SKOR2: variants seen among roughly 807,000 people sequenced by gnomAD.
SKOR2 encodes SKI family transcriptional corepressor 2.
In SKOR2, 47 loss-of-function variants were observed where a neutral mutation model predicts 69.1. That is an observed-to-expected ratio of 0.68 (90% confidence interval 0.54 to 0.87). The LOEUF is 0.87. Ranked by LOEUF, SKOR2 falls within the 40% of genes least tolerant of loss-of-function variation. SKOR2 has a pLI of 0.00. For missense variants in SKOR2, 1,404 were observed against 1,472.2 expected, an observed-to-expected ratio of 0.95 and a Z score of 0.76; for synonymous variants, 717 against 672.6, an observed-to-expected ratio of 1.07 and a Z score of -1.02.
chr18:47,209,932 A>AT (rs2064122938), intron 8 of SKOR2, among the ~76,000 whole-genome samples: 1 of 152,190 alleles, frequency 6.6e-6, no homozygotes, highest in Non-Finnish European at 1.5e-5. Context: ...TCTTTACAAA[A>AT]TAAAAAAAAT....
At position 47,246,987 on chromosome 18, in the gene SKOR2, C is replaced by G. The variant is rs1462904464; in HGVS notation, c.2197G>C (p.Glu733Gln). Residue 733 changes from glutamate (E) to glutamine (Q), a missense_variant, in exon 2 of 9, where the codon GAG becomes CAG. Physicochemically the swap from Glu to Gln is conservative, Grantham distance 29. This residue lies in a region of SKOR2 where 1,266 missense variants were observed against 1,309.9 expected (regional missense o/e 0.97). Transcript: ENST00000425639. ...SCCYPSEDSS[E>Q]DEDDEEEEQE... ...TCTTCTTCCTCGTCGTCCTCGTCCT[C>G]GGAGCTGTCCTCGCTGGGGTAGCAG... 1.3e-6 allele frequency: 2 copies of G among 1,497,866 alleles called. No individual in the cohort carries two copies. Among genetic ancestry groups the G allele is most frequent in the Non-Finnish European group, 8.8e-7 (1 of 1,129,992 alleles). The allele number at this position is 1,497,866 out of a possible 1,614,324, so 92.8% of individuals were successfully genotyped here.
intron 4 of SKOR2, among the ~76,000 whole-genome samples, chr18:47,242,204 C>T (rs977885444): frequency 2.0e-5 from 3 of 152,024 alleles, no homozygotes; most frequent in South Asian, 2.1e-4. Context: ...AATTTGTTTT[C>T]AAATTCCATC....
chr18:47,207,006 C>A (rs888558720), intron 8 of SKOR2, 114 bp from the exon 9 acceptor site: 1 of 152,170 alleles, frequency 6.6e-6, no homozygotes, highest in Non-Finnish European at 1.5e-5. Context: ...ATTTTGTCTG[C>A]TACCCTAGGT....
intron 2 of SKOR2, among the ~76,000 whole-genome samples, chr18:47,245,946 T>G (rs2064271080): frequency 6.6e-6 from 1 of 152,060 alleles, no homozygotes; most frequent in Non-Finnish European, 1.5e-5. Flanking sequence ...GTTCAGTCAT[T>G]TAAATTTAAC....
intron 8 of SKOR2, among the ~76,000 whole-genome samples, chr18:47,208,779 A>T (rs2064119854): frequency 6.6e-6 from 1 of 152,170 alleles, no homozygotes; most frequent in Non-Finnish European, 1.5e-5. Context: ...TATTTTTCAA[A>T]TCCTTTCCAT....
At chr18:47,222,332 A>G (rs1224531896) in intron 6 of SKOR2, among the ~76,000 whole-genome samples, 2 of 152,146 alleles carry the variant, frequency 1.3e-5, no homozygotes, top group African/African-American at 2.4e-5. Context: ...AAAAAAAAGA[A>G]AAAATTTTTG....
chr18:47,247,684 G>C lies in SKOR2; in HGVS notation c.1500C>G (p.Gly500=). ...CCTGGCGCAGCAGGGCCGGGCTTTC[G>C]CCTAGCGCGCAGCCTAGCGCCGAGG... ...QPPSALGCAL[G]ESPALLRQAF... The change falls in exon 2 of 9, where the codon GGC becomes GGG. Residue 500 remains glycine, a synonymous_variant. Coordinates refer to ENST00000425639, the MANE Select transcript of SKOR2 (RefSeq NM_001278063.4). The surrounding 1 kb of genome is among the most constrained non-coding windows in gnomAD (Gnocchi z 6.6). 5 of 1,369,944 alleles carry C rather than the reference G, an allele frequency of 3.6e-6. No individual in the cohort carries two copies. The highest frequency in any genetic ancestry group is 4.7e-6 in the Non-Finnish European group (5 of 1,067,166). The allele number at this position is 1,369,944 out of a possible 1,614,324, so 84.9% of individuals were successfully genotyped here. A position where few individuals can be genotyped will look rare whatever the true frequency, so the allele number is the denominator to read the frequency against.
intron 4 of SKOR2, among the ~76,000 whole-genome samples, chr18:47,231,830 C>T (rs552514024): frequency 1.8e-3 from 240 of 136,972 alleles, no homozygotes; most frequent in African/African-American, 6.2e-3. Context: ...GCAACAAGAG[C>T]GAAACTCCAT....
intron 6 of SKOR2, among the ~76,000 whole-genome samples, chr18:47,221,925 C>T (rs1281396531): frequency 6.6e-6 from 1 of 152,218 alleles, no homozygotes; most frequent in South Asian, 2.1e-4. Flanking sequence ...ATTCTGCCAT[C>T]TATAGTAACT....
chr18:47,228,901 G>T (rs1480727479), intron 6 of SKOR2, among the ~76,000 whole-genome samples: 1 of 152,166 alleles, frequency 6.6e-6, no homozygotes, highest in Non-Finnish European at 1.5e-5. Context: ...AGCCCTGCAG[G>T]CATTCTCTGA....
At chr18:47,237,255 A>C (rs1007274591) in intron 4 of SKOR2, among the ~76,000 whole-genome samples, 1 of 152,238 alleles carries the variant, frequency 6.6e-6, no homozygotes, top group African/African-American at 2.4e-5. Flanking sequence ...GTGATGCTCC[A>C]ATAGAAAATA....
rs746722236 is a variant in SKOR2, at chr18:47,247,200, G to A, written c.1984C>T (p.His662Tyr). ...THPHHHHHPH[H>Y]HHHHHHPPQP... ...GGGGGGTGGTGGTGGTGGTGGTGGT[G>A]GTGAGGGTGGTGATGGTGGTGGGGA... Residue 662 changes from histidine to tyrosine, a missense_variant, in exon 2 of 9, where the codon CAC becomes TAC. By Grantham distance (83) the His-to-Tyr change is moderately conservative (BLOSUM62 2). This residue lies in a region of SKOR2 where 1,266 missense variants were observed against 1,309.9 expected (regional missense o/e 0.97). Transcript: ENST00000425639. This position sits in a 1 kb window ranked among gnomAD's most constrained non-coding sequence, Gnocchi z 6.6. 3 of 1,394,008 alleles carry A rather than the reference G, an allele frequency of 2.2e-6. No homozygotes were observed. The South Asian group carries it at 4.8e-5, about 22-fold the overall frequency. The allele number at this position is 1,394,008 out of a possible 1,614,324, so 86.4% of individuals were successfully genotyped here.
Position 47,234,879 on chromosome 18 carries a change from A to G in SKOR2, c.2753-3879T>C, listed in dbSNP as rs905088872. 2.1e-3 allele frequency among the ~76,000 whole-genome samples: 294 copies of G among 142,058 alleles called. 2 individuals carry two copies. Among genetic ancestry groups the G allele is most frequent in the African/African-American group, 6.6e-3 (256 of 38,514 alleles). The allele number at this position is 142,058 out of a possible 152,430, so 93.2% of individuals were successfully genotyped here. A position where few individuals can be genotyped will look rare whatever the true frequency, so the allele number is the denominator to read the frequency against. Reference sequence around the variant, plus strand: ...CCATCTCAGGGAAAAAAAAAAAGAGAGGGGGTGGGGGGAAGCACAGCAATT... The same window carrying G: ...CCATCTCAGGGAAAAAAAAAAAGAGGGGGGGTGGGGGGAAGCACAGCAATT... On this transcript the variant is annotated intron_variant, in intron 4 of 8. Coordinates refer to ENST00000425639, the MANE Select transcript of SKOR2 (RefSeq NM_001278063.4).
chr18:47,240,804 T>C (rs2064245078), intron 4 of SKOR2, among the ~76,000 whole-genome samples: 2 of 152,214 alleles, frequency 1.3e-5, no homozygotes, highest in African/African-American at 4.8e-5. Flanking sequence ...AGAAAGGTCA[T>C]AGAGATTTTC....
chr18:47,221,853 G>A (rs530299650), intron 6 of SKOR2, among the ~76,000 whole-genome samples: 4 of 152,300 alleles, frequency 2.6e-5, no homozygotes, highest in Admixed American at 2.0e-4. Flanking sequence ...CCTGGCACAC[G>A]GCAGGGGCTA....
intron 4 of SKOR2, among the ~76,000 whole-genome samples, chr18:47,235,780 C>CAAAAAAAAAAAA (rs11433396): frequency 2.9e-4 from 17 of 59,270 alleles, no homozygotes; most frequent in Admixed American, 5.8e-4. Flanking sequence ...CACAAACAAG[C>CAAAAAAAAAAAA]AAAAAAAAAA....
intron 6 of SKOR2, 73 bp from the exon 7 acceptor site, chr18:47,220,083 T>C: frequency 7.6e-7 from 1 of 1,320,484 alleles, no homozygotes; most frequent in Non-Finnish European, 1.0e-6. Flanking sequence ...AGTAAAAACA[T>C]TATTGACAGT....
At chr18:47,212,495 T>G (rs1050963848) in intron 7 of SKOR2, among the ~76,000 whole-genome samples, 1 of 152,246 alleles carries the variant, frequency 6.6e-6, no homozygotes, top group African/African-American at 2.4e-5. Flanking sequence ...GATGTTCTAA[T>G]GTATGTTCAA....
chr18:47,223,451 CTT>C (rs984136435), intron 6 of SKOR2, among the ~76,000 whole-genome samples: 45 of 152,132 alleles, frequency 3.0e-4, no homozygotes, highest in African/African-American at 1.1e-3. Context: ...TATGTTAAGA[CTT>C]TTAAAAAGTT....
Sources: gnomAD v4.1 joint callset for allele counts (sites outside exome capture counted in the v4.1 genomes callset) on GRCh38, gnomAD v4.1.1 for gene constraint, gnomAD v4.1.1 regional missense constraint, Gnocchi (gnomAD v3.1) non-coding constraint, MANE v1.5 for transcripts, NCBI Gene and HGNC (gene_info 2026-07-23, HGNC 2026-07-21) for gene names.